The following NGEF variants were observed in gnomAD, a reference collection of about 807,000 sequenced individuals.
NGEF encodes ephexin-1.
A neutral mutation model predicts 80.9 loss-of-function variants in NGEF; 31 were observed. The observed-to-expected ratio is 0.38, with a 90% CI of 0.29 to 0.52. The LOEUF (loss-of-function observed/expected upper bound fraction) is 0.52, where lower values mean the gene tolerates loss of function less well. Among genes scored for constraint, NGEF ranks in the 20% least tolerant of loss-of-function variants. The pLI is 0.84. For synonymous variants in NGEF, 371 were observed against 370.2 expected (o/e 1.00, Z -0.03); for missense variants, 709 against 926.2 (o/e 0.77, Z 3.04).
At chr2:232,950,365 G>A (rs904129265) in intron 3 of NGEF, among the ~76,000 whole-genome samples, 1 of 152,196 alleles carries the variant, frequency 6.6e-6, no homozygotes, top group African/African-American at 2.4e-5. Context: ...CCGCTTTGTG[G>A]AAAAGGAACT....
At chr2:232,925,695 C>G (rs965127820) in intron 4 of NGEF, among the ~76,000 whole-genome samples, 1 of 152,166 alleles carries the variant, frequency 6.6e-6, no homozygotes, top group Non-Finnish European at 1.5e-5. Context: ...AAAGAGGAGC[C>G]CTTTCAAGAG....
chr2:232,907,514 G>A (rs1032595430), intron 5 of NGEF, among the ~76,000 whole-genome samples: 1 of 152,184 alleles, frequency 6.6e-6, no homozygotes, highest in African/African-American at 2.4e-5. Flanking sequence ...GGAAGCACAT[G>A]AAGGTCTTTA....
chr2:232,937,484 G>A (rs1039338421), intron 3 of NGEF, among the ~76,000 whole-genome samples: 2 of 152,292 alleles, frequency 1.3e-5, no homozygotes, highest in African/African-American at 2.4e-5. Flanking sequence ...GGCTGGGGCC[G>A]CCCAGATGAA....
intron 4 of NGEF, among the ~76,000 whole-genome samples, chr2:232,921,520 T>C (rs143835592): frequency 4.0e-4 from 61 of 152,268 alleles, no homozygotes; most frequent in African/African-American, 1.4e-3. Flanking sequence ...GGTGCAATCA[T>C]AGCTCACTGC....
intron 5 of NGEF, chr2:232,905,671 G>A (rs1043464000): frequency 4.3e-5 from 16 of 375,928 alleles, no homozygotes; most frequent in African/African-American, 2.0e-4. Flanking sequence ...GCCTCTTCCC[G>A]GCCGCCATCC....
intron 3 of NGEF, among the ~76,000 whole-genome samples, chr2:232,932,361 T>A (rs1406084799): frequency 1.3e-5 from 2 of 151,928 alleles, no homozygotes; most frequent in African/African-American, 4.8e-5. Flanking sequence ...GAGATGGGGT[T>A]TCACCATGTT....
rs72976157 is a variant in NGEF, at chr2:232,923,108, C to A, written c.527-2523G>T. Among the ~76,000 whole-genome samples the A allele has an allele frequency of 3.5e-3, 528 of 151,988 alleles. 2 individuals are homozygous for A. Among genetic ancestry groups the A allele is most frequent in the Non-Finnish European group, 6.2e-3 (421 of 67,950 alleles). On this transcript the variant is annotated intron_variant, in intron 4 of 14. Transcript: ENST00000264051. The stretch of plus-strand genomic sequence containing the variant: ...AAAAAACAAACAACAACAACAACAA[C>A]AAAAAAGCAGTTTCCAAGCTTCACA...
intron 2 of NGEF, 38 bp downstream of exon 2, chr2:232,974,585 G>A (rs759019638): frequency 1.9e-6 from 3 of 1,599,896 alleles, no homozygotes; most frequent in South Asian, 1.1e-5. Context: ...CCAGTTGGAT[G>A]TAAGGGAACA....
chr2:232,941,455 C>A (rs1041089480), intron 3 of NGEF, among the ~76,000 whole-genome samples: 2 of 152,156 alleles, frequency 1.3e-5, no homozygotes, highest in Non-Finnish European at 2.9e-5. Context: ...CTAAGTTTCT[C>A]CCAAAGTTAG....
chr2:232,937,158 G>A (rs2106293557), intron 3 of NGEF, among the ~76,000 whole-genome samples: 1 of 152,142 alleles, frequency 6.6e-6, no homozygotes, highest in African/African-American at 2.4e-5. Flanking sequence ...AGTAGAGATG[G>A]GGTTTCACCA....
chr2:232,979,408 TA>T (rs1559233287), intron 1 of NGEF, among the ~76,000 whole-genome samples: 3 of 151,606 alleles, frequency 2.0e-5, no homozygotes, highest in African/African-American at 7.3e-5. Context: ...GAAGAGATTG[TA>T]AAACTATCTG....
intron 3 of NGEF, among the ~76,000 whole-genome samples, chr2:232,964,897 G>A (rs995638875): frequency 5.9e-5 from 9 of 152,176 alleles, no homozygotes; most frequent in African/African-American, 7.2e-5. Flanking sequence ...ACTTGAAAAC[G>A]GGCCCTGAGG....
intron 3 of NGEF, among the ~76,000 whole-genome samples, chr2:232,958,645 G>A (rs1333003204): frequency 6.6e-6 from 1 of 152,136 alleles, no homozygotes; most frequent in Non-Finnish European, 1.5e-5. Context: ...CCCGGAAAAG[G>A]AGACTGGAAC....
Position 232,954,050 on chromosome 2 carries a change from T to C in NGEF, c.383+16164A>G, listed in dbSNP as rs182478357. Among the ~76,000 whole-genome samples the C allele has an allele frequency of 2.2e-3, 337 of 152,222 alleles. 3 individuals are homozygous for C. Among genetic ancestry groups the C allele is most frequent in the Middle Eastern group, 0.01 (3 of 294 alleles). On this transcript the variant is annotated intron_variant, in intron 3 of 14. Transcript: ENST00000264051. ...AAAAAATCCTTTCTTCCTATTGGCG[T>C]GAGGATAACAGAGCCGAATGTCTAC... is the stretch of plus-strand genomic sequence containing the variant.
intron 1 of NGEF, among the ~76,000 whole-genome samples, chr2:233,009,332 C>T (rs1001576430): frequency 2.0e-5 from 3 of 152,114 alleles, no homozygotes; most frequent in Admixed American, 2.0e-4. Context: ...CACTTCTATC[C>T]ATGTTGCTGC....
rs1204936681 is a variant in NGEF, at chr2:232,974,847, T to A, written c.44A>T (p.Lys15Ile). 1 of 1,614,122 alleles carries A rather than the reference T, an allele frequency of 6.2e-7. No homozygotes were observed. The highest frequency in any genetic ancestry group is 1.7e-5 in the Admixed American group (1 of 60,000). The change falls in exon 2 of 15, where the codon AAA (lysine) becomes ATA (isoleucine). Residue 15 changes from lysine (K) to isoleucine (I), a missense_variant. This residue lies in a region of NGEF where 283 missense variants were observed against 303.4 expected (regional missense o/e 0.93). Transcript: ENST00000264051. ...ESEDLEKTRR[K>I]SASDQWNTDN... ...AGTGTTCCATTGATCACTTGCTGATTTCCTCCGGGTCTTTTCCAAATCTTC... is the reference window on the plus strand; with the variant it reads ...AGTGTTCCATTGATCACTTGCTGATATCCTCCGGGTCTTTTCCAAATCTTC...
At chr2:232,928,244 G>A in intron 3 of NGEF, 1 of 866,958 alleles carries the variant, frequency 1.2e-6, no homozygotes, top group Non-Finnish European at 1.4e-6. Context: ...GAGGCCGGGC[G>A]GCGGCGGGGC....
intron 3 of NGEF, among the ~76,000 whole-genome samples, chr2:232,960,895 G>A (rs1427153335): frequency 2.0e-5 from 3 of 152,102 alleles, no homozygotes; most frequent in Non-Finnish European, 1.5e-5. Flanking sequence ...CAACATGTGG[G>A]GATAATGGCC....
chr2:232,887,784 A>AGTAACAAGACAGGCGGTGAGTAC, intron 9 of NGEF, among the ~76,000 whole-genome samples: 1 of 152,350 alleles, frequency 6.6e-6, no homozygotes, highest in East Asian at 1.9e-4. Flanking sequence ...TGCCAGGCAC[A>AGTAACAAGACAGGCGGTGAGTAC]GTAACAAGAC....
Sources: allele counts gnomAD v4.1 joint callset (sites outside exome capture counted in the v4.1 genomes callset), GRCh38; gene constraint gnomAD v4.1.1; regional missense constraint gnomAD v4.1.1; transcripts MANE v1.5; gene names NCBI Gene and HGNC (gene_info 2026-07-23, HGNC 2026-07-21).